The following KDM6A variants were observed in gnomAD, a reference collection of about 807,000 sequenced individuals.
KDM6A encodes the protein lysine-specific demethylase 6A.
KDM6A carries 11 observed loss-of-function variants against 117.6 expected under a neutral mutation model. That is an observed-to-expected ratio of 0.09 (90% CI 0.06 to 0.15). The LOEUF (loss-of-function observed/expected upper bound fraction) is 0.15, where lower values mean the gene tolerates loss of function less well. KDM6A is among the 10% of genes least tolerant of loss of function. The pLI is 1.00. For synonymous variants in KDM6A, 384 were observed against 396.1 expected (o/e 0.97, Z 0.36); for missense variants, 799 against 1,077.3 (o/e 0.74, Z 3.62).
At chrX:44,961,196 G>A (rs1416838623) in intron 2 of KDM6A, 88 bp from the exon 3 acceptor site, 5 of 607,510 alleles carry the variant, frequency 8.2e-6, no homozygotes, top group Non-Finnish European at 1.3e-5. Context: ...TTAGGTGATC[G>A]AATGGAGGCT....
chrX:44,885,650 C>T (rs1016485056), intron 2 of KDM6A, among the ~76,000 whole-genome samples: 1 of 110,460 alleles, frequency 9.1e-6, no homozygotes, highest in Non-Finnish European at 1.9e-5. Flanking sequence ...GCGGGCAGAT[C>T]ACATGGTCAG....
intron 7 of KDM6A, among the ~76,000 whole-genome samples, chrX:45,036,185 G>A (rs1380371400): frequency 9.0e-6 from 1 of 111,345 alleles, no homozygotes; most frequent in Non-Finnish European, 1.9e-5. Flanking sequence ...TGGTGTCAGA[G>A]TAGCTCAGCT....
chrX:44,888,017 A>G (rs999267104), intron 2 of KDM6A, among the ~76,000 whole-genome samples: 3 of 111,241 alleles, frequency 2.7e-5, no homozygotes, highest in South Asian at 3.7e-4. Context: ...ACAAACAAAC[A>G]AAAAACTGGC....
chrX:45,022,504 CCT>C (rs768353192), intron 6 of KDM6A, among the ~76,000 whole-genome samples: 94 of 111,572 alleles, frequency 8.4e-4, no homozygotes, highest in Non-Finnish European at 1.2e-3. Context: ...CTTTTTCAGC[CCT>C]CTCTCTAGTA....
chrX:45,076,098 A>G (rs1322581530), intron 18 of KDM6A, among the ~76,000 whole-genome samples: 1 of 111,635 alleles, frequency 9.0e-6, no homozygotes, highest in Non-Finnish European at 1.9e-5. Flanking sequence ...AAATACCAGT[A>G]AGTAATAATT....
intron 27 of KDM6A, among the ~76,000 whole-genome samples, chrX:45,092,568 T>G (rs1219419201): frequency 1.8e-5 from 2 of 111,835 alleles, no homozygotes; most frequent in African/African-American, 3.3e-5. Flanking sequence ...GTTTGAAAAC[T>G]CACTCTATGC....
At chrX:44,993,105 A>G (rs2040700593) in intron 4 of KDM6A, among the ~76,000 whole-genome samples, 2 of 111,865 alleles carry the variant, frequency 1.8e-5, no homozygotes, top group South Asian at 7.3e-4. Context: ...CAAAAAAGTG[A>G]TGTCAAAACT....
intron 18 of KDM6A, among the ~76,000 whole-genome samples, chrX:45,074,143 A>G (rs767733991): frequency 9.0e-6 from 1 of 111,670 alleles, no homozygotes; most frequent in South Asian, 3.7e-4. Context: ...TCCTTTCCTC[A>G]TTTCTTGTTT....
intron 8 of KDM6A, among the ~76,000 whole-genome samples, chrX:45,046,693 T>C (rs1272334790): frequency 3.6e-5 from 4 of 111,699 alleles, no homozygotes; most frequent in African/African-American, 1.3e-4. Flanking sequence ...AGGAGTTAGC[T>C]AAGTTGATAT....
At chrX:44,938,815 C>T (rs1486360031) in intron 2 of KDM6A, among the ~76,000 whole-genome samples, 1 of 112,235 alleles carries the variant, frequency 8.9e-6, no homozygotes, top group African/African-American at 3.2e-5. Context: ...GCTCATTTAC[C>T]ATTCAGAAAA....
chrX:45,008,329 G>T (rs894010274), intron 4 of KDM6A, among the ~76,000 whole-genome samples: 1 of 110,828 alleles, frequency 9.0e-6, no homozygotes, highest in African/African-American at 3.3e-5. Flanking sequence ...AGCCGAGATC[G>T]CACCACTGCA....
At chrX:45,099,525 T>C (rs1475221694) in intron 27 of KDM6A, among the ~76,000 whole-genome samples, 2 of 111,549 alleles carry the variant, frequency 1.8e-5, no homozygotes, top group African/African-American at 6.5e-5. Flanking sequence ...ACTAATGATG[T>C]TTACTTTTGT....
intron 19 of KDM6A, among the ~76,000 whole-genome samples, chrX:45,077,938 G>T (rs2045210559): frequency 9.0e-6 from 1 of 110,889 alleles, no homozygotes; most frequent in South Asian, 3.8e-4. Flanking sequence ...TCTCCCTCCT[G>T]CCAGCCCCTG....
At chrX:44,924,652 T>G (rs892798839) in intron 2 of KDM6A, among the ~76,000 whole-genome samples, 3 of 68,043 alleles carry the variant, frequency 4.4e-5, no homozygotes, top group Non-Finnish European at 8.5e-5. Flanking sequence ...GTCCTGGGTG[T>G]GTGTGTGTGT....
chrX:44,879,703 G>GAAA (rs2146502988), intron 2 of KDM6A, among the ~76,000 whole-genome samples: 1 of 111,878 alleles, frequency 8.9e-6, no homozygotes, highest in African/African-American at 3.2e-5. Context: ...TTTGGGAGAA[G>GAAA]AAAAATGTGA....
At chrX:45,081,661 T>C (rs977360979) in intron 21 of KDM6A, among the ~76,000 whole-genome samples, 6 of 112,354 alleles carry the variant, frequency 5.3e-5, no homozygotes, top group African/African-American at 1.9e-4. Flanking sequence ...TTTCCTCAAG[T>C]TTTCTCTCCT....
At chrX:45,042,492 TGC>T (rs2043314189) in intron 8 of KDM6A, among the ~76,000 whole-genome samples, 3 of 111,290 alleles carry the variant, frequency 2.7e-5, no homozygotes, top group Non-Finnish European at 3.8e-5. Context: ...CAAGATGGCC[TGC>T]TTACCTACCT....
chrX:44,939,259 A>T (rs2037154442), intron 2 of KDM6A, among the ~76,000 whole-genome samples: 1 of 112,673 alleles, frequency 8.9e-6, no homozygotes, highest in African/African-American at 3.2e-5. Flanking sequence ...AACACTTGTG[A>T]TTCATGGGAT....
intron 27 of KDM6A, among the ~76,000 whole-genome samples, chrX:45,095,200 G>T (rs1165899566): frequency 9.0e-6 from 1 of 110,959 alleles, no homozygotes; most frequent in Non-Finnish European, 1.9e-5. Flanking sequence ...ATTTCTCACA[G>T]CATCCCAAGG....
Sources: gnomAD v4.1 joint callset for allele counts (sites outside exome capture counted in the v4.1 genomes callset) on GRCh38, gnomAD v4.1.1 for gene constraint, MANE v1.5 for transcripts, NCBI Gene and HGNC (gene_info 2026-07-23, HGNC 2026-07-21) for gene names.